The following MACF1 variants were observed in gnomAD, a reference collection of about 807,000 sequenced individuals.
MACF1 encodes the protein microtubule actin crosslinking factor 1.
MACF1 carries 193 observed loss-of-function variants against 854.8 expected under a neutral mutation model. The ratio of observed to expected loss-of-function variants is 0.23; its 90% CI spans 0.20 to 0.25. The LOEUF (loss-of-function observed/expected upper bound fraction) is 0.25. Among genes scored for constraint, MACF1 ranks in the 10% least tolerant of loss-of-function variants. The pLI is 1.00. For missense variants in MACF1, 7,722 were observed against 8,929.1 expected (o/e 0.86, Z 5.45); for synonymous variants, 3,185 against 3,226.7 (o/e 0.99, Z 0.44).
At chr1:39,454,103 C>G (rs906032283) in intron 88 of MACF1, among the ~76,000 whole-genome samples, 1 of 152,260 alleles carries the variant, frequency 6.6e-6, no homozygotes, top group Admixed American at 6.5e-5. Context: ...CTGGGAAATC[C>G]TGTGTTAACA....
intron 1 of MACF1, among the ~76,000 whole-genome samples, chr1:39,219,503 C>T (rs1644623052): frequency 6.6e-6 from 1 of 152,204 alleles, no homozygotes; most frequent in Non-Finnish European, 1.5e-5. Flanking sequence ...ATATCGAGCT[C>T]CACCTTATCT....
chr1:39,332,097 A>G lies in MACF1; in HGVS notation c.5509A>G (p.Ile1837Val). The change falls in exon 37 of 101, where the codon ATC becomes GTC. Residue 1837 changes from isoleucine (I) to valine (V), a missense_variant. This residue lies in a region of MACF1 where 1,531 missense variants were observed against 1,601.6 expected (regional missense o/e 0.96). Transcript: ENST00000564288. ...AVSNDLVAAKIALVILESLWS... is the reference protein window; with the variant it reads ...AVSNDLVAAKVALVILESLWS... ...GAGCAATGATCTAGTAGCTGCTAAG[A>G]TCGCCCTTGTGATTCTGGAGTCCCT... The G allele has an allele frequency of 6.2e-7, 1 of 1,614,116 alleles. No homozygotes were observed. The highest frequency in any genetic ancestry group is 8.5e-7 in the Non-Finnish European group (1 of 1,180,004).
Position 39,339,972 on chromosome 1 carries a change from G to A in MACF1, c.10216-530G>A, listed in dbSNP as rs373027098. Among the ~76,000 whole-genome samples, 50 of 152,232 alleles carry A rather than the reference G, an allele frequency of 3.3e-4. No homozygotes were observed. The South Asian group carries it at 4.6e-3, about 14-fold the overall frequency. On this transcript the variant is annotated intron_variant, in intron 38 of 100. Coordinates refer to ENST00000564288, the MANE Select transcript of MACF1 (RefSeq NM_001394062.1). Reference sequence around the variant, plus strand: ...TCAAGTTCTTCCACAGCTTATTTCCGGCTTATCTGTTGAGGACCAGAATAT... The same window carrying A: ...TCAAGTTCTTCCACAGCTTATTTCCAGCTTATCTGTTGAGGACCAGAATAT...
At chr1:39,101,484 C>T (rs976982388) in intron 2 of MACF1, among the ~76,000 whole-genome samples, 2 of 151,562 alleles carry the variant, frequency 1.3e-5, no homozygotes, top group African/African-American at 4.8e-5. Context: ...TGGCCTCGGC[C>T]TCCCAAAGTG....
intron 26 of MACF1, among the ~76,000 whole-genome samples, chr1:39,314,576 C>T (rs1232626955): frequency 3.7e-5 from 5 of 136,018 alleles, no homozygotes; most frequent in Non-Finnish European, 7.8e-5. Context: ...CTCTCACACA[C>T]ACACACACAC....
At chr1:39,373,123 G>A (rs11205955) in intron 52 of MACF1, 354 of 158,546 alleles carry the variant, frequency 2.2e-3, no homozygotes, top group African/African-American at 7.2e-3. Flanking sequence ...TGGCTAACAC[G>A]GTGAAACCCC....
intron 2 of MACF1, among the ~76,000 whole-genome samples, chr1:39,151,807 A>G (rs1173100284): frequency 2.6e-5 from 4 of 152,150 alleles, no homozygotes. Flanking sequence ...GAGAGAGGAA[A>G]GAGACTGAGA....
chr1:39,251,988 C>A, intron 4 of MACF1, 47 bp downstream of exon 4: 1 of 1,326,706 alleles, frequency 7.5e-7, no homozygotes, highest in Non-Finnish European at 1.0e-6. Flanking sequence ...ACTGCTGGCA[C>A]TGCAGGGCCA....
chr1:39,441,794 T>G (rs896169212), intron 74 of MACF1, among the ~76,000 whole-genome samples, 158 bp from the exon 75 acceptor site: 8 of 152,200 alleles, frequency 5.3e-5, no homozygotes, highest in Admixed American at 2.6e-4. Flanking sequence ...ATTATTAATA[T>G]AAAGATCATT....
chr1:39,397,223 A>G (rs1642307746), intron 58 of MACF1, among the ~76,000 whole-genome samples: 1 of 151,864 alleles, frequency 6.6e-6, no homozygotes, highest in Non-Finnish European at 1.5e-5. Flanking sequence ...GTCTGGAAAA[A>G]CCCATCATAA....
rs1324836380 is a variant in MACF1, at chr1:39,317,342, C to G, written c.3717C>G (p.Arg1239=). The change falls in exon 29 of 101, where the codon CGC becomes CGG. Residue 1239 remains arginine, a synonymous_variant. Transcript: ENST00000564288. ...LTPERNLDLE[R]YQEKGSQLQE... ...CAGAGCGAAATCTGGATTTGGAGCGCTATCAGGAAAAAGGCTCCCAGCTGC... is the reference window on the plus strand; with the variant it reads ...CAGAGCGAAATCTGGATTTGGAGCGGTATCAGGAAAAAGGCTCCCAGCTGC... The G allele has an allele frequency of 6.2e-7, 1 of 1,613,812 alleles. No individual in the cohort carries two copies. The highest frequency in any genetic ancestry group is 8.5e-7 in the Non-Finnish European group (1 of 1,179,962).
intron 27 of MACF1, 40 bp downstream of exon 27, chr1:39,315,731 C>T (rs1175825173): frequency 6.3e-7 from 1 of 1,590,602 alleles, no homozygotes; most frequent in Non-Finnish European, 8.6e-7. Flanking sequence ...GCAATATTTT[C>T]CATTGGGATA....
chr1:39,333,642 G>A lies in MACF1; in HGVS notation c.7054G>A (p.Glu2352Lys). 6.2e-7 allele frequency: 1 copy of A among 1,614,194 alleles called. No homozygotes were observed. Among genetic ancestry groups the A allele is most frequent in the Non-Finnish European group, 8.5e-7 (1 of 1,180,030 alleles). The part of the protein sequence containing the change: ...ESLTTEEVIN[E>K]GLMDEKLLHN... ...TTTGACAACTGAAGAAGTCATTAAT[G>A]AAGGTCTGATGGATGAGAAATTATT... The change falls in exon 37 of 101, where the codon GAA becomes AAA. Residue 2352 changes from glutamate to lysine, a missense_variant. By Grantham distance (56) the Glu-to-Lys change is moderately conservative. Around this residue, in one of 15 missense-constraint regions of MACF1, gnomAD observed 1,531 missense variants for 1,601.6 expected, o/e 0.96. Coordinates refer to ENST00000564288, the MANE Select transcript of MACF1 (RefSeq NM_001394062.1).
chr1:39,105,773 C>G lies in MACF1; in HGVS notation c.220+21335C>G, dbSNP rs1227766915. 4.8e-6 allele frequency: 5 copies of G among 1,039,224 alleles called. No individual in the cohort carries two copies. Among genetic ancestry groups the G allele is most frequent in the Admixed American group, 5.3e-5 (1 of 18,906 alleles). The allele number at this position is 1,039,224 out of a possible 1,614,324, so 64.4% of individuals were successfully genotyped here. On this transcript the variant is annotated intron_variant, in intron 2 of 93. Coordinates refer to the MACF1 transcript ENST00000361689. This position sits in a 1 kb window ranked among gnomAD's most constrained non-coding sequence, Gnocchi z 5.9. ...CCGCGGGCCGGCGCAGCGTGGCCTTCGGAGCCGGTCGGCTCGGCGGCTGCA... is the reference window on the plus strand; with the variant it reads ...CCGCGGGCCGGCGCAGCGTGGCCTTGGGAGCCGGTCGGCTCGGCGGCTGCA...
intron 3 of MACF1, among the ~76,000 whole-genome samples, chr1:39,251,617 AGAGAG>A (rs1196506815): frequency 6.6e-6 from 1 of 152,230 alleles, no homozygotes; most frequent in Non-Finnish European, 1.5e-5. Flanking sequence ...TTAGAAAAGC[AGAGAG>A]GGTAGGAGGC....
At chr1:39,102,925 C>T (rs1386838255) in intron 2 of MACF1, 1 of 702,018 alleles carries the variant, frequency 1.4e-6, no homozygotes, top group Non-Finnish European at 2.6e-6. Flanking sequence ...CTGGCAGCCG[C>T]TTTGTTCCTC....
chr1:39,354,630 C>A (rs75510910), intron 44 of MACF1, among the ~76,000 whole-genome samples: 8,610 of 152,158 alleles, frequency 0.057, 810 homozygotes, highest in African/African-American at 0.2. Context: ...GTCTCAAACT[C>A]CTGACCTCGG....
intron 2 of MACF1, among the ~76,000 whole-genome samples, chr1:39,180,189 A>ATTATGATGGCTTT (rs1486070069): frequency 4.9e-4 from 75 of 152,296 alleles, no homozygotes; most frequent in African/African-American, 1.7e-3. Flanking sequence ...ATGAAGACTT[A>ATTATGATGGCTTT]TTATGATGGC....
chr1:39,422,435 G>T lies in MACF1; in HGVS notation c.15878G>T (p.Gly5293Val). ...QMKLQQVNGL[G>V]QGLIQSAGKD... The stretch of plus-strand genomic sequence containing the variant: ...AAATTGCAGCAGGTGAATGGACTTG[G>T]CCAGGGATTAATTCAGAGTGCAGGA... The change falls in exon 59 of 101, where the codon GGC (glycine) becomes GTC (valine). Residue 5293 changes from glycine (G) to valine (V), a missense_variant. By Grantham distance (109) the Gly-to-Val change is moderately radical. This residue lies in a region of MACF1 where 2,807 missense variants were observed against 3,235.8 expected (regional missense o/e 0.87). Transcript: ENST00000564288. 1 of 1,614,098 alleles carries T rather than the reference G, an allele frequency of 6.2e-7. No homozygotes were observed. Among genetic ancestry groups the T allele is most frequent in the African/African-American group, 1.3e-5 (1 of 75,022 alleles).
Sources: allele counts gnomAD v4.1 joint callset (sites outside exome capture counted in the v4.1 genomes callset), GRCh38; gene constraint gnomAD v4.1.1; regional missense constraint gnomAD v4.1.1; non-coding constraint Gnocchi (gnomAD v3.1); transcripts MANE v1.5; gene names NCBI Gene and HGNC (gene_info 2026-07-23, HGNC 2026-07-21).